The following CSMD3 variants were observed in gnomAD, a reference collection of about 807,000 sequenced individuals.
CSMD3 encodes the protein CUB and sushi domain-containing protein 3.
CSMD3 carries 177 observed loss-of-function variants against 435.2 expected under a neutral mutation model. That is an observed-to-expected ratio of 0.41 (90% CI 0.36 to 0.46). CSMD3 has a LOEUF of 0.46. Ranked by LOEUF, CSMD3 falls within the 20% of genes least tolerant of loss-of-function variation. The probability of loss-of-function intolerance (pLI) is 0.34; values close to 1 mark genes in which losing one functional copy is unlikely to be tolerated. For missense variants in CSMD3, 4,265 were observed against 4,504.6 expected (o/e 0.95, Z 1.52); for synonymous variants, 1,656 against 1,520.5 (o/e 1.09, Z -2.07).
At chr8:113,123,163 A>G (rs2091033714) in intron 4 of CSMD3, among the ~76,000 whole-genome samples, 1 of 152,116 alleles carries the variant, frequency 6.6e-6, no homozygotes, top group Non-Finnish European at 1.5e-5. Context: ...GGTAATAACC[A>G]GTTTCATATC....
chr8:112,593,773 T>C (rs1831407815), intron 22 of CSMD3, among the ~76,000 whole-genome samples: 2 of 152,208 alleles, frequency 1.3e-5, no homozygotes, highest in African/African-American at 4.8e-5. Context: ...TCATCAGTGT[T>C]AAATCAGAGT....
In CSMD3 at chr8:113,436,762, G is replaced by C. The variant is rs762460018; in HGVS notation, c.93C>G (p.Asp31Glu). The change falls in exon 1 of 71, where the codon GAC (aspartate) becomes GAG (glutamate). Residue 31 changes from aspartate (D) to glutamate (E), a missense_variant. Physicochemically the swap from Asp to Glu is conservative, Grantham distance 45 (BLOSUM62 2). Transcript: ENST00000297405. ...KRRCAKCGRLDFILMKKMGIK... is the reference protein window; with the variant it reads ...KRRCAKCGRLEFILMKKMGIK... ...TCCCCATTTTCTTCATCAGGATGAA[G>C]TCTAGGCGGCCACATTTAGCGCATC... is the stretch of plus-strand genomic sequence containing the variant. 6.2e-7 allele frequency: 1 copy of C among 1,614,144 alleles called. No homozygotes were observed. The highest frequency in any genetic ancestry group is 1.7e-5 in the Admixed American group (1 of 60,014).
At chr8:112,397,932 A>G (rs966658788) in intron 35 of CSMD3, among the ~76,000 whole-genome samples, 4 of 152,176 alleles carry the variant, frequency 2.6e-5, no homozygotes, top group African/African-American at 9.7e-5. Flanking sequence ...TCAAAGTCTC[A>G]TCTAAATATC....
chr8:112,354,495 A>G (rs1486115846), intron 38 of CSMD3, among the ~76,000 whole-genome samples: 2 of 152,204 alleles, frequency 1.3e-5, no homozygotes, highest in Non-Finnish European at 2.9e-5. Context: ...AACAACTTCA[A>G]TAAAGTGTCA....
intron 13 of CSMD3, among the ~76,000 whole-genome samples, chr8:112,733,657 A>C (rs570100372): frequency 1.6e-4 from 24 of 152,174 alleles, no homozygotes; most frequent in African/African-American, 5.8e-4. Flanking sequence ...ACTTTTATTA[A>C]ACATTGTATT....
chr8:113,153,123 A>T (rs202098632), intron 4 of CSMD3, among the ~76,000 whole-genome samples: 1 of 88,400 alleles, frequency 1.1e-5, no homozygotes, highest in Non-Finnish European at 2.2e-5. Flanking sequence ...GAAAGAAAGA[A>T]AGAGAAAGAA....
At chr8:112,237,114 C>A (rs1813660168) in intron 67 of CSMD3, 76 bp downstream of exon 67, 2 of 1,440,378 alleles carry the variant, frequency 1.4e-6, no homozygotes, top group Admixed American at 3.4e-5. Context: ...ATATAAAAAG[C>A]ATTACTAAAA....
At chr8:112,627,644 G>A (rs1389071147) in intron 22 of CSMD3, among the ~76,000 whole-genome samples, 1 of 152,096 alleles carries the variant, frequency 6.6e-6, no homozygotes. Flanking sequence ...GGTATTTTTA[G>A]GAGTCTTCTA....
intron 22 of CSMD3, among the ~76,000 whole-genome samples, chr8:112,598,556 G>T (rs866667435): frequency 1.3e-5 from 2 of 150,614 alleles, no homozygotes; most frequent in Non-Finnish European, 3.0e-5. Context: ...AGCCCACATC[G>T]CCAAGGCAAT....
intron 2 of CSMD3, among the ~76,000 whole-genome samples, chr8:113,307,038 A>T (rs1028477359): frequency 3.3e-5 from 5 of 152,114 alleles, no homozygotes; most frequent in African/African-American, 1.2e-4. Flanking sequence ...TAAAGTTCAG[A>T]TAATTTAGCC....
intron 32 of CSMD3, among the ~76,000 whole-genome samples, chr8:112,421,955 T>C (rs999609135): frequency 6.6e-6 from 1 of 151,690 alleles, no homozygotes; most frequent in Non-Finnish European, 1.5e-5. Context: ...GTTTTGCAGA[T>C]AAAAAAACAA....
chr8:112,254,518 C>T (rs1430225967), intron 62 of CSMD3, among the ~76,000 whole-genome samples, 192 bp from the exon 63 acceptor site: 4 of 151,944 alleles, frequency 2.6e-5, no homozygotes, highest in Non-Finnish European at 5.9e-5. Flanking sequence ...AGGTAGACTC[C>T]ATTTGATATG....
At chr8:112,320,041 C>CA (rs1373372181) in intron 45 of CSMD3, 60 bp from the exon 46 acceptor site, 35 of 1,045,002 alleles carry the variant, frequency 3.3e-5, no homozygotes, top group Middle Eastern at 2.1e-4. Context: ...TTCACATATG[C>CA]AAAAAAACAA....
chr8:113,035,922 T>G, intron 5 of CSMD3, among the ~76,000 whole-genome samples: 1 of 151,978 alleles, frequency 6.6e-6, no homozygotes, highest in Non-Finnish European at 1.5e-5. Flanking sequence ...GGAAATGCAT[T>G]CATTATTTGC....
At chr8:113,335,341 T>C (rs1201026913) in intron 1 of CSMD3, among the ~76,000 whole-genome samples, 5 of 152,076 alleles carry the variant, frequency 3.3e-5, no homozygotes, top group Non-Finnish European at 7.4e-5. Flanking sequence ...ACTAATACAA[T>C]GGTAATCTGT....
At chr8:112,795,835 G>A (rs1237227547) in intron 13 of CSMD3, among the ~76,000 whole-genome samples, 9 of 151,866 alleles carry the variant, frequency 5.9e-5, no homozygotes, top group Admixed American at 5.9e-4. Flanking sequence ...ATTAACAAAA[G>A]CATTAAATAC....
intron 23 of CSMD3, among the ~76,000 whole-genome samples, chr8:112,584,074 T>C (rs563369771): frequency 6.6e-6 from 1 of 151,962 alleles, no homozygotes; most frequent in Admixed American, 6.6e-5. Context: ...GGTATAAAGT[T>C]AATGACTCAA....
At chr8:112,856,664 A>G (rs2080667860) in intron 11 of CSMD3, among the ~76,000 whole-genome samples, 1 of 151,904 alleles carries the variant, frequency 6.6e-6, no homozygotes, top group African/African-American at 2.4e-5. Context: ...AACTTGTTTA[A>G]TTAATTTCAT....
chr8:113,124,810 T>A (rs1013763282), intron 4 of CSMD3, among the ~76,000 whole-genome samples: 2 of 152,020 alleles, frequency 1.3e-5, no homozygotes, highest in Non-Finnish European at 2.9e-5. Flanking sequence ...TCTTTGCACC[T>A]CTATACTCCT....
Sources: allele counts gnomAD v4.1 joint callset (sites outside exome capture counted in the v4.1 genomes callset), GRCh38; gene constraint gnomAD v4.1.1; transcripts MANE v1.5; gene names NCBI Gene and HGNC (gene_info 2026-07-23, HGNC 2026-07-21).